Variants in TRAPPC10 observed in about 807,000 individuals in gnomAD.
The protein encoded by TRAPPC10 is trafficking protein particle complex subunit 10.
TRAPPC10 carries 23 observed loss-of-function variants against 125.5 expected under a neutral mutation model. The ratio of observed to expected loss-of-function variants is 0.18; its 90% CI spans 0.13 to 0.26. The LOEUF (loss-of-function observed/expected upper bound fraction) is 0.26, where lower values mean the gene tolerates loss of function less well. Among genes scored for constraint, TRAPPC10 ranks in the 10% least tolerant of loss-of-function variants. The pLI is 1.00. For synonymous variants in TRAPPC10, 509 were observed against 518.0 expected (o/e 0.98, Z 0.24); for missense variants, 1,123 against 1,308.4 (o/e 0.86, Z 2.19).
intron 11 of TRAPPC10, 124 bp downstream of exon 11, chr21:44,077,908 C>A: frequency 1.7e-6 from 1 of 581,332 alleles, no homozygotes; most frequent in Non-Finnish European, 2.7e-6. Context: ...ATTCTCTTAC[C>A]CAGTCCTCAT....
At chr21:44,041,583 G>A (rs1397224899) in intron 3 of TRAPPC10, among the ~76,000 whole-genome samples, 3 of 151,732 alleles carry the variant, frequency 2.0e-5, no homozygotes, top group African/African-American at 4.8e-5. Flanking sequence ...TGTTGGTCAG[G>A]CTGGTCTCAA....
intron 3 of TRAPPC10, among the ~76,000 whole-genome samples, chr21:44,047,668 G>T (rs1343632686): frequency 6.6e-6 from 1 of 151,970 alleles, no homozygotes; most frequent in African/African-American, 2.4e-5. Context: ...TGTAATTGCT[G>T]CTGCTCTGTC....
intron 3 of TRAPPC10, among the ~76,000 whole-genome samples, chr21:44,044,427 G>A (rs1409337231): frequency 6.6e-6 from 1 of 151,440 alleles, no homozygotes; most frequent in Admixed American, 6.6e-5. Context: ...GTTGCTTTAG[G>A]ACTTATAGAG....
chr21:44,066,404 A>G (rs1325879071), intron 7 of TRAPPC10, among the ~76,000 whole-genome samples: 1 of 152,162 alleles, frequency 6.6e-6, no homozygotes, highest in African/African-American at 2.4e-5. Context: ...AAATGTGTTA[A>G]GAATGGAGAT....
intron 2 of TRAPPC10, among the ~76,000 whole-genome samples, chr21:44,033,866 A>C (rs2033780027): frequency 6.6e-6 from 1 of 152,206 alleles, no homozygotes; most frequent in Non-Finnish European, 1.5e-5. Context: ...CTGGCTAAAA[A>C]ATAAATAAAA....
rs1221037675 is a variant in TRAPPC10 at position 44,094,179 on chromosome 21, G to A, written c.3114G>A (p.Gln1038=). The change falls in exon 20 of 23, where the codon CAG becomes CAA. Residue 1038 remains glutamine (Q), a synonymous_variant. Coordinates refer to ENST00000291574, the MANE Select transcript of TRAPPC10 (RefSeq NM_003274.5). Reference sequence around the variant, plus strand: ...GATTTTCCCCAGCTTCTGAGGAACAGCTGTCTATCTCCTTAAAGCCGTATA... The same window carrying A: ...GATTTTCCCCAGCTTCTGAGGAACAACTGTCTATCTCCTTAAAGCCGTATA... ...SVGFSPASEE[Q]LSISLKPYTY... The A allele has an allele frequency of 3.1e-6, 5 of 1,614,206 alleles. No individual in the cohort carries two copies. The highest frequency in any genetic ancestry group is 1.7e-5 in the Admixed American group (1 of 60,024).
Position 44,029,397 on chromosome 21 carries a change from C to A in TRAPPC10, c.68-2694C>A, listed in dbSNP as rs567945448. On this transcript the variant is annotated intron_variant, in intron 1 of 22. Coordinates refer to ENST00000291574, the MANE Select transcript of TRAPPC10 (RefSeq NM_003274.5). ...GCGTGAGCCACTGCGCCCAGCTGCT[C>A]TTCACCATCTTTCATGTGCTGGTTC... Among the ~76,000 whole-genome samples, 31 of 152,312 alleles carry A rather than the reference C, an allele frequency of 2.0e-4. 1 individual carries two copies. The highest frequency in any genetic ancestry group is 7.5e-4 in the African/African-American group (31 of 41,592).
At chr21:44,045,612 A>T (rs761991823) in intron 3 of TRAPPC10, among the ~76,000 whole-genome samples, 12 of 150,656 alleles carry the variant, frequency 8.0e-5, no homozygotes, top group South Asian at 2.1e-4. Flanking sequence ...AGTGCAGTGG[A>T]GCAATCTCGG....
Position 44,100,976 on chromosome 21 carries a change from C to T in TRAPPC10, c.3347-1802C>T, listed in dbSNP as rs1322185863. 2.8e-5 allele frequency among the ~76,000 whole-genome samples: 2 copies of T among 71,392 alleles called. 1 individual carries two copies. Among genetic ancestry groups the T allele is most frequent in the South Asian group, 7.5e-4 (2 of 2,668 alleles). 46.8% of individuals were successfully genotyped at this position (71,392 alleles called of 152,430 possible). A position where few individuals can be genotyped will look rare whatever the true frequency, so the allele number is the denominator to read the frequency against. ...TTCAAGATCAGCCTGGCTAATATGG[C>T]GAAACCCCATCTCTACTAAGAATAC... On this transcript the variant is annotated intron_variant, in intron 21 of 22. Coordinates refer to ENST00000291574, the MANE Select transcript of TRAPPC10 (RefSeq NM_003274.5).
Position 44,091,902 on chromosome 21 carries a change from CTT to C in TRAPPC10, c.2871-17_2871-16del. On this transcript the variant is annotated intron_variant, in intron 18 of 22. Transcript: ENST00000291574. ...AAAGTTCTTACATATCAAAATAATA[CTT>C]TTTGTTTTTCCACTTTAGGAAATAT... 1 of 1,610,370 alleles carries C rather than the reference CTT, an allele frequency of 6.2e-7. No homozygotes were observed.
Position 44,063,184 on chromosome 21 carries a change from C to A in TRAPPC10, c.791-354C>A. 7.8e-7 allele frequency: 1 copy of A among 1,287,614 alleles called. No individual in the cohort carries two copies. 79.8% of individuals were successfully genotyped at this position (1,287,614 alleles called of 1,614,324 possible). A position where few individuals can be genotyped will look rare whatever the true frequency, so the allele number is the denominator to read the frequency against. On this transcript the variant is annotated intron_variant, in intron 6 of 22. Coordinates refer to ENST00000291574, the MANE Select transcript of TRAPPC10 (RefSeq NM_003274.5). This position sits in a 1 kb window ranked among gnomAD's most constrained non-coding sequence, Gnocchi z 4.4. The stretch of plus-strand genomic sequence containing the variant: ...CAGCCCACAGGTAAAGATAAGGAAG[C>A]CCAGCCCCGCTGCAGCCTAAGACTA...
chr21:44,070,100 C>T (rs894165127), intron 7 of TRAPPC10, among the ~76,000 whole-genome samples: 14 of 152,214 alleles, frequency 9.2e-5, no homozygotes, highest in Admixed American at 1.3e-4. Context: ...TGGTGACTGG[C>T]AGGGAGTTCC....
chr21:44,071,517 A>G (rs1394811961), intron 7 of TRAPPC10, among the ~76,000 whole-genome samples: 1 of 152,162 alleles, frequency 6.6e-6, no homozygotes, highest in Non-Finnish European at 1.5e-5. Flanking sequence ...TCTAAAGTAT[A>G]GAGAAGAAGC....
chr21:44,077,041 C>T (rs923878963), intron 10 of TRAPPC10, among the ~76,000 whole-genome samples: 12 of 152,098 alleles, frequency 7.9e-5, no homozygotes, highest in Admixed American at 1.3e-4. Flanking sequence ...GCGTCATTCC[C>T]GGGTCATGGG....
intron 20 of TRAPPC10, among the ~76,000 whole-genome samples, chr21:44,095,687 C>T (rs755759280): frequency 1.6e-4 from 24 of 152,058 alleles, no homozygotes; most frequent in Middle Eastern, 3.4e-3. Flanking sequence ...CCTCAGTCTC[C>T]GGAGTAGCTG....
chr21:44,059,009 G>A lies in TRAPPC10; in HGVS notation c.679-94G>A, dbSNP rs879718530. The A allele has an allele frequency of 1.4e-5, 12 of 838,352 alleles. No individual in the cohort carries two copies. In the Admixed American group the frequency reaches 1.9e-4, roughly 14 times the overall value. 51.9% of individuals were successfully genotyped at this position (838,352 alleles called of 1,614,324 possible). A position where few individuals can be genotyped will look rare whatever the true frequency, so the allele number is the denominator to read the frequency against. ...GCGTAGACATTATTCATAGTGCTGC[G>A]TGCCTTTCTCTGTCGTTTAATGGCT... On this transcript the variant is annotated intron_variant, in intron 5 of 22. Transcript: ENST00000291574. The surrounding 1 kb of genome is among the most constrained non-coding windows in gnomAD (Gnocchi z 4.4).
rs575915406 is a variant in TRAPPC10 at position 44,063,251 on chromosome 21, C to G, written c.791-287C>G. On this transcript the variant is annotated intron_variant, in intron 6 of 22. Transcript: ENST00000291574. The surrounding 1 kb of genome is among the most constrained non-coding windows in gnomAD (Gnocchi z 4.4). ...TGAGACAGAGCCTGAGCTCCCCTAA[C>G]CATGTAGCCTGTCTGTCTCTGGGTG... is the stretch of plus-strand genomic sequence containing the variant. 4.8e-6 allele frequency: 6 copies of G among 1,252,966 alleles called. No homozygotes were observed. In the Admixed American group the frequency reaches 1.7e-4, roughly 35 times the overall value. 77.6% of individuals were successfully genotyped at this position (1,252,966 alleles called of 1,614,324 possible).
Position 44,059,664 on chromosome 21 carries a change from C to G in TRAPPC10, c.790+450C>G. 1 of 563,118 alleles carries G rather than the reference C, an allele frequency of 1.8e-6. No individual in the cohort carries two copies. The highest frequency in any genetic ancestry group is 3.2e-6 in the Non-Finnish European group (1 of 313,360). The allele number at this position is 563,118 out of a possible 1,614,324, so 34.9% of individuals were successfully genotyped here. On this transcript the variant is annotated intron_variant, in intron 6 of 22. Transcript: ENST00000291574. The surrounding 1 kb of genome is among the most constrained non-coding windows in gnomAD (Gnocchi z 4.4). Reference sequence around the variant, plus strand: ...CACTTTTAAATAATATCTTAAGCTCCTTTACAATTAAAGAATTAGCACAGT... The same window carrying G: ...CACTTTTAAATAATATCTTAAGCTCGTTTACAATTAAAGAATTAGCACAGT...
intron 1 of TRAPPC10, 40 bp downstream of exon 1, chr21:44,012,600 G>GCGGGCC (rs1601520793): frequency 2.0e-6 from 3 of 1,509,488 alleles, no homozygotes; most frequent in East Asian, 2.5e-5. Flanking sequence ...CGGTCGTTGG[G>GCGGGCC]CGGGCCCGGG....
Sources: gnomAD v4.1 joint callset for allele counts (sites outside exome capture counted in the v4.1 genomes callset) on GRCh38, gnomAD v4.1.1 for gene constraint, Gnocchi (gnomAD v3.1) non-coding constraint, MANE v1.5 for transcripts, NCBI Gene and HGNC (gene_info 2026-07-23, HGNC 2026-07-21) for gene names.